The following RSU1 variants were observed in gnomAD, a reference collection of about 807,000 sequenced individuals.
RSU1 encodes the protein rsu-1.
In RSU1, 26 loss-of-function variants were observed where a neutral mutation model predicts 31.1. That is an observed-to-expected ratio of 0.84 (90% CI 0.61 to 1.16). RSU1 has a LOEUF of 1.16. Among genes scored for constraint, RSU1 ranks in the 50% most tolerant of loss-of-function variants. The probability of loss-of-function intolerance (pLI) is 0.00; values close to 1 mark genes in which losing one functional copy is unlikely to be tolerated. For missense variants in RSU1, 320 were observed against 339.1 expected (o/e 0.94, Z 0.44); for synonymous variants, 164 against 136.3 (o/e 1.20, Z -1.41).
At chr10:16,707,797 C>T (rs941035042) in intron 7 of RSU1, among the ~76,000 whole-genome samples, 2 of 152,110 alleles carry the variant, frequency 1.3e-5, no homozygotes, top group Non-Finnish European at 2.9e-5. Flanking sequence ...TTCTCCAGGT[C>T]AATGCTGTGA....
intron 7 of RSU1, among the ~76,000 whole-genome samples, chr10:16,746,072 C>A (rs1380953371): frequency 6.6e-6 from 1 of 152,146 alleles, no homozygotes; most frequent in Non-Finnish European, 1.5e-5. Flanking sequence ...GACTGTACAT[C>A]CACTCATTGT....
chr10:16,645,577 G>A (rs1383522977), intron 8 of RSU1, among the ~76,000 whole-genome samples: 1 of 151,994 alleles, frequency 6.6e-6, no homozygotes, highest in African/African-American at 2.4e-5. Flanking sequence ...GGAAGCTGAG[G>A]CGGGCGGATC....
rs548507719 is a variant in RSU1, at chr10:16,774,325, A to G, written c.160+7709T>C. ...CCAAGGAGCATCTCCTTTAAGAAATAGCATCACTAGGCCGAGGCAAGCAGA... is the reference window on the plus strand; with the variant it reads ...CCAAGGAGCATCTCCTTTAAGAAATGGCATCACTAGGCCGAGGCAAGCAGA... On this transcript the variant is annotated intron_variant, in intron 3 of 8. Transcript: ENST00000345264. 3.0e-3 allele frequency among the ~76,000 whole-genome samples: 454 copies of G among 152,280 alleles called. 1 individual carries two copies. The highest frequency in any genetic ancestry group is 4.5e-3 in the Non-Finnish European group (306 of 68,026).
chr10:16,699,048 T>G (rs1486985269), intron 7 of RSU1, among the ~76,000 whole-genome samples: 1 of 152,214 alleles, frequency 6.6e-6, no homozygotes, highest in Non-Finnish European at 1.5e-5. Context: ...AAAAAGCTTC[T>G]TGTATGATGT....
chr10:16,765,198 T>C (rs1837289556), intron 3 of RSU1, among the ~76,000 whole-genome samples: 2 of 152,200 alleles, frequency 1.3e-5, no homozygotes, highest in Admixed American at 1.3e-4. Flanking sequence ...TTGAAGCTGC[T>C]TAAATAACCC....
rs1333363180 is a variant in RSU1 at position 16,754,972 on chromosome 10, G to T, written c.299C>A (p.Thr100Asn). 6.2e-7 allele frequency: 1 copy of T among 1,612,662 alleles called. No individual in the cohort carries two copies. Among genetic ancestry groups the T allele is most frequent in the Non-Finnish European group, 8.5e-7 (1 of 1,179,362 alleles). ...HLNLGMNRLN[T>N]LPRGFGSLPA... ...CAGGGAGCCGAAGCCTCGTGGCAAA[G>T]TGTTCAGCCTGTTCATGCTGTTGCA... The change falls in exon 5 of 9, where the codon ACT becomes AAT. Residue 100 changes from threonine (T) to asparagine (N), a missense_variant. Coordinates refer to ENST00000345264, the MANE Select transcript of RSU1 (RefSeq NM_012425.4).
At chr10:16,760,983 C>A (rs1231692502) in intron 4 of RSU1, among the ~76,000 whole-genome samples, 4 of 152,166 alleles carry the variant, frequency 2.6e-5, no homozygotes, top group Non-Finnish European at 4.4e-5. Flanking sequence ...ACTCTGTCAC[C>A]TAGGCTGGAG....
At chr10:16,757,098 T>G (rs1180968597) in intron 4 of RSU1, among the ~76,000 whole-genome samples, 1 of 150,642 alleles carries the variant, frequency 6.6e-6, no homozygotes, top group Non-Finnish European at 1.5e-5. Context: ...GTGGTGCGTG[T>G]GGGTATGTGT....
chr10:16,663,179 A>G (rs944435141), intron 8 of RSU1, among the ~76,000 whole-genome samples: 6 of 152,218 alleles, frequency 3.9e-5, no homozygotes, highest in African/African-American at 1.2e-4. Context: ...AGACATGGTT[A>G]GGATCGTTCT....
chr10:16,620,365 C>A (rs1564288350), intron 8 of RSU1, among the ~76,000 whole-genome samples: 2 of 151,958 alleles, frequency 1.3e-5, no homozygotes. Flanking sequence ...AAGCAAAAAA[C>A]AGTGAGGAGG....
intron 7 of RSU1, among the ~76,000 whole-genome samples, chr10:16,712,851 G>A (rs1186249804): frequency 6.6e-6 from 1 of 152,096 alleles, no homozygotes; most frequent in Non-Finnish European, 1.5e-5. Context: ...TCCAGTGGTA[G>A]CACTCCCTTA....
In RSU1 at chr10:16,782,341, C is replaced by T. The variant is rs539710348; in HGVS notation, c.110-257G>A. Among the ~76,000 whole-genome samples the T allele has an allele frequency of 7.9e-5, 12 of 152,304 alleles. No individual in the cohort carries two copies. The East Asian group carries it at 2.1e-3, about 27-fold the overall frequency. On this transcript the variant is annotated intron_variant, in intron 2 of 8. Coordinates refer to ENST00000345264, the MANE Select transcript of RSU1 (RefSeq NM_012425.4). ...ATTAATGTCACAGAATCCAACATGA[C>T]GAGGGCCAGTTAGCTCTGCGTGGCG... is the stretch of plus-strand genomic sequence containing the variant.
intron 7 of RSU1, among the ~76,000 whole-genome samples, chr10:16,713,736 C>T (rs1358617110): frequency 6.6e-6 from 1 of 152,156 alleles, no homozygotes; most frequent in Non-Finnish European, 1.5e-5. Context: ...TTGCAGGTAT[C>T]ACATTTCCTT....
chr10:16,728,312 T>C (rs942528484), intron 7 of RSU1, among the ~76,000 whole-genome samples: 2 of 152,062 alleles, frequency 1.3e-5, no homozygotes, highest in South Asian at 2.1e-4. Flanking sequence ...TATCAATATA[T>C]AGAATGAGGG....
intron 2 of RSU1, among the ~76,000 whole-genome samples, chr10:16,808,364 A>C (rs1317614476): frequency 6.6e-6 from 1 of 151,690 alleles, no homozygotes; most frequent in African/African-American, 2.4e-5. Flanking sequence ...GGTGCCTGTA[A>C]TCCCAGCTAC....
At chr10:16,727,329 A>T (rs1354259179) in intron 7 of RSU1, among the ~76,000 whole-genome samples, 4 of 152,204 alleles carry the variant, frequency 2.6e-5, no homozygotes, top group African/African-American at 9.7e-5. Context: ...TATCAAACTT[A>T]AAAAACATGC....
At chr10:16,785,430 A>G (rs1397576099) in intron 2 of RSU1, among the ~76,000 whole-genome samples, 1 of 91,624 alleles carries the variant, frequency 1.1e-5, no homozygotes, top group Non-Finnish European at 2.0e-5. Context: ...ATATATACAT[A>G]TATATATATA....
chr10:16,815,571 T>C (rs941708207), intron 2 of RSU1, among the ~76,000 whole-genome samples: 3 of 152,200 alleles, frequency 2.0e-5, no homozygotes, highest in African/African-American at 7.2e-5. Flanking sequence ...TCAACTATTT[T>C]TGAGCATCTA....
chr10:16,709,784 T>A (rs1049458028), intron 7 of RSU1, among the ~76,000 whole-genome samples: 13 of 152,210 alleles, frequency 8.5e-5, no homozygotes, highest in African/African-American at 3.1e-4. Flanking sequence ...TTTGGCTGCA[T>A]AAATGTCTTC....
Sources: allele counts gnomAD v4.1 joint callset (sites outside exome capture counted in the v4.1 genomes callset), GRCh38; gene constraint gnomAD v4.1.1; transcripts MANE v1.5; gene names NCBI Gene and HGNC (gene_info 2026-07-23, HGNC 2026-07-21).